The following NALF1 variants were observed in gnomAD, a reference collection of about 807,000 sequenced individuals.
NALF1 encodes the protein family with sequence similarity 155 member A.
A neutral mutation model predicts 48.4 loss-of-function variants in NALF1; 3 were observed. That is an observed-to-expected ratio of 0.06 (90% confidence interval 0.03 to 0.16). The LOEUF (loss-of-function observed/expected upper bound fraction) is 0.16, where lower values mean the gene tolerates loss of function less well. Ranked by LOEUF, NALF1 falls within the 10% of genes least tolerant of loss-of-function variation. The pLI is 1.00. For synonymous variants in NALF1, 262 were observed against 245.7 expected (o/e 1.07, Z -0.62); for missense variants, 526 against 571.5 (o/e 0.92, Z 0.81).
chr13:107,449,019 G>A (rs36002128), intron 1 of NALF1, among the ~76,000 whole-genome samples: 2,542 of 152,166 alleles, frequency 0.017, 68 homozygotes, highest in African/African-American at 0.058. Flanking sequence ...CGAGGCGGGC[G>A]GATCAAATGA....
At chr13:107,607,535 T>C (rs1566412712) in intron 1 of NALF1, among the ~76,000 whole-genome samples, 2 of 152,304 alleles carry the variant, frequency 1.3e-5, no homozygotes, top group African/African-American at 4.8e-5. Context: ...TGTTGTTGTT[T>C]TTCCTTGTAA....
intron 2 of NALF1, among the ~76,000 whole-genome samples, chr13:107,189,416 C>A (rs1160217767): frequency 1.3e-5 from 2 of 152,124 alleles, no homozygotes; most frequent in Non-Finnish European, 2.9e-5. Flanking sequence ...CCAAATATAT[C>A]ATTTAATTTT....
chr13:107,430,146 C>G (rs148338345), intron 1 of NALF1, among the ~76,000 whole-genome samples: 1 of 152,070 alleles, frequency 6.6e-6, no homozygotes, highest in Non-Finnish European at 1.5e-5. Flanking sequence ...ATTCATGTAT[C>G]CAAACATCCG....
chr13:107,201,506 G>A lies in NALF1; in HGVS notation c.1087+9078C>T, dbSNP rs529112566. On this transcript the variant is annotated intron_variant, in intron 2 of 2. Coordinates refer to ENST00000375915, the MANE Select transcript of NALF1 (RefSeq NM_001080396.3). ...GCAGGAGAATGGTGTGAACCCGCGA[G>A]GGGGAGCTTCCAGTGAGTCGAGATC... Among the ~76,000 whole-genome samples, 5 of 152,252 alleles carry A rather than the reference G, an allele frequency of 3.3e-5. No homozygotes were observed. In the East Asian group the frequency reaches 9.7e-4, roughly 30 times the overall value.
At chr13:107,516,415 T>G (rs1876054894) in intron 1 of NALF1, among the ~76,000 whole-genome samples, 1 of 152,186 alleles carries the variant, frequency 6.6e-6, no homozygotes. Flanking sequence ...TTCCACCATG[T>G]GAGGAAGTTG....
intron 1 of NALF1, among the ~76,000 whole-genome samples, chr13:107,353,462 G>A (rs1594133572): frequency 6.6e-6 from 1 of 152,154 alleles, no homozygotes; most frequent in Middle Eastern, 3.2e-3. Flanking sequence ...ATTGCCACCT[G>A]GCAAAGTTCT....
chr13:107,785,127 C>CAT (rs1437463321), intron 1 of NALF1, among the ~76,000 whole-genome samples: 1 of 151,090 alleles, frequency 6.6e-6, no homozygotes, highest in Non-Finnish European at 1.5e-5. Context: ...TATATATATT[C>CAT]ATATATATGT....
intron 1 of NALF1, among the ~76,000 whole-genome samples, chr13:107,455,038 G>A (rs895582410): frequency 6.6e-6 from 1 of 152,096 alleles, no homozygotes; most frequent in Non-Finnish European, 1.5e-5. Flanking sequence ...GATCATGGGG[G>A]CAATTTCCTC....
intron 1 of NALF1, among the ~76,000 whole-genome samples, chr13:107,282,673 G>A (rs1339145833): frequency 6.6e-6 from 1 of 152,010 alleles, no homozygotes; most frequent in Non-Finnish European, 1.5e-5. Flanking sequence ...CTTTTGGGGA[G>A]GCCCCTGTGA....
At chr13:107,509,902 C>T (rs1283231493) in intron 1 of NALF1, among the ~76,000 whole-genome samples, 2 of 152,198 alleles carry the variant, frequency 1.3e-5, no homozygotes, top group Non-Finnish European at 2.9e-5. Context: ...ACTTCCCAGG[C>T]TCAAAAGATC....
intron 1 of NALF1, among the ~76,000 whole-genome samples, chr13:107,620,461 C>A (rs1879490620): frequency 6.6e-6 from 1 of 152,178 alleles, no homozygotes; most frequent in African/African-American, 2.4e-5. Context: ...ATTAGATGTT[C>A]ACAAATCTGA....
chr13:107,566,432 T>C (rs965656840), intron 1 of NALF1, among the ~76,000 whole-genome samples: 3 of 152,164 alleles, frequency 2.0e-5, no homozygotes, highest in Non-Finnish European at 2.9e-5. Flanking sequence ...GCAATGGCCC[T>C]GGAGTATTAG....
chr13:107,808,942 C>T (rs80302321), intron 1 of NALF1, among the ~76,000 whole-genome samples: 5,348 of 152,086 alleles, frequency 0.035, 332 homozygotes, highest in African/African-American at 0.12. Flanking sequence ...ACTATGCAGA[C>T]CTGCTTATAT....
At chr13:107,673,907 G>C (rs1881052112) in intron 1 of NALF1, among the ~76,000 whole-genome samples, 1 of 152,134 alleles carries the variant, frequency 6.6e-6, no homozygotes, top group African/African-American at 2.4e-5. Context: ...TGGTCCACTT[G>C]AAGAAGCAGA....
At chr13:107,653,059 A>G (rs1880486567) in intron 1 of NALF1, among the ~76,000 whole-genome samples, 1 of 152,094 alleles carries the variant, frequency 6.6e-6, no homozygotes, top group Admixed American at 6.6e-5. Flanking sequence ...ATGGCAGAAA[A>G]GATGGTAAAA....
At chr13:107,632,236 T>C (rs1156546543) in intron 1 of NALF1, among the ~76,000 whole-genome samples, 1 of 152,168 alleles carries the variant, frequency 6.6e-6, no homozygotes, top group African/African-American at 2.4e-5. Flanking sequence ...TATCTGTCTA[T>C]CTGTCTATCC....
intron 1 of NALF1, among the ~76,000 whole-genome samples, chr13:107,360,018 T>A (rs980702599): frequency 6.6e-6 from 1 of 152,316 alleles, no homozygotes; most frequent in African/African-American, 2.4e-5. Flanking sequence ...GGTTATGCTA[T>A]TGCAAAGCCA....
At chr13:107,485,997 T>C (rs1013668088) in intron 1 of NALF1, among the ~76,000 whole-genome samples, 4 of 152,334 alleles carry the variant, frequency 2.6e-5, no homozygotes, top group East Asian at 3.9e-4. Flanking sequence ...TATGTGCTCA[T>C]GGCACTTAAA....
At chr13:107,337,954 AT>A (rs909088272) in intron 1 of NALF1, among the ~76,000 whole-genome samples, 1 of 152,196 alleles carries the variant, frequency 6.6e-6, no homozygotes, top group African/African-American at 2.4e-5. Flanking sequence ...AACATAAAAA[AT>A]TGTGGTGTCT....
Sources: allele counts gnomAD v4.1 joint callset (sites outside exome capture counted in the v4.1 genomes callset), GRCh38; gene constraint gnomAD v4.1.1; transcripts MANE v1.5; gene names NCBI Gene and HGNC (gene_info 2026-07-23, HGNC 2026-07-21).